XPNPEP2: variants seen among roughly 807,000 people sequenced by gnomAD.
XPNPEP2 encodes xaa-Pro aminopeptidase 2.
Under a neutral mutation model 59.8 loss-of-function variants are expected in XPNPEP2, and 64 were observed. The observed-to-expected ratio is 1.07, with a 90% CI of 0.87 to 1.32. The LOEUF (loss-of-function observed/expected upper bound fraction) is 1.32. Among genes scored for constraint, XPNPEP2 ranks in the 40% most tolerant of loss-of-function variants. The probability of loss-of-function intolerance (pLI) is 0.00; values close to 1 mark genes in which losing one functional copy is unlikely to be tolerated. For synonymous variants in XPNPEP2, 235 were observed against 210.0 expected (o/e 1.12, Z -1.03); for missense variants, 575 against 546.8 (o/e 1.05, Z -0.51).
Position 129,757,873 on chromosome X carries a change from AAGAGAGAGAG to A in XPNPEP2, c.1368-1293_1368-1284del, listed in dbSNP as rs200174393. ...AAAGAAAGAAAGAGGGAGAGAGAGAAAGAGAGAGAGAGAGAGAGAGAGAAAGAAAGAAAGA... is the reference window on the plus strand; with the variant it reads ...AAAGAAAGAAAGAGGGAGAGAGAGAAAGAGAGAGAGAGAAAGAAAGAAAGA... On this transcript the variant is annotated intron_variant, in intron 14 of 20. Transcript: ENST00000371106. Among the ~76,000 whole-genome samples, 83 of 66,726 alleles carry A rather than the reference AAGAGAGAGAG, an allele frequency of 1.2e-3. 1 individual carries two copies. The highest frequency in any genetic ancestry group is 5.6e-3 in the African/African-American group (79 of 14,211). The allele number at this position is 66,726 out of a possible 115,157, so 57.9% of individuals were successfully genotyped here.
intron 11 of XPNPEP2, among the ~76,000 whole-genome samples, chrX:129,754,156 C>G (rs190884359): frequency 5.7e-4 from 64 of 111,798 alleles, no homozygotes; most frequent in Middle Eastern, 4.6e-3. Context: ...CTTCAATAAT[C>G]CTTGACTCAT....
chrX:129,752,283 G>A lies in XPNPEP2; in HGVS notation c.955G>A (p.Asp319Asn). The change falls in exon 10 of 21, where the codon GAT becomes AAT. Residue 319 changes from aspartate to asparagine, a missense_variant. Physicochemically the swap from Asp to Asn is conservative, Grantham distance 23. Coordinates refer to ENST00000371106, the MANE Select transcript of XPNPEP2 (RefSeq NM_003399.6). ...CAGCATCCAGGCCTACTCATTGGGA[G>A]ATGTGAGGATCTGGATTGGGACCAG... ...RDSIQAYSLG[D>N]VRIWIGTSYT... The A allele has an allele frequency of 1.6e-6, 2 of 1,212,202 alleles. No individual in the cohort carries two copies. Among genetic ancestry groups the A allele is most frequent in the Non-Finnish European group, 2.2e-6 (2 of 895,621 alleles).
chrX:129,740,111 G>A (rs2124007026), intron 1 of XPNPEP2, among the ~76,000 whole-genome samples: 1 of 112,922 alleles, frequency 8.9e-6, no homozygotes, highest in South Asian at 3.6e-4. Flanking sequence ...GCATATTCTG[G>A]TGTCCAGAGA....
chrX:129,746,824 G>A (rs1926308258), intron 6 of XPNPEP2, 143 bp downstream of exon 6: 1 of 525,508 alleles, frequency 1.9e-6, no homozygotes, highest in Non-Finnish European at 3.3e-6. Flanking sequence ...GTTGCAGAAT[G>A]TTTTGCAATG....
intron 12 of XPNPEP2, 128 bp from the exon 13 acceptor site, chrX:129,755,166 G>A: frequency 1.7e-6 from 1 of 600,804 alleles, no homozygotes. Flanking sequence ...TGAGGGCTGG[G>A]AGAGCCAAAT....
At chrX:129,762,567 C>A in intron 18 of XPNPEP2, 127 bp from the exon 19 acceptor site, 5 of 565,710 alleles carry the variant, frequency 8.8e-6, no homozygotes, top group Non-Finnish European at 1.2e-5. Context: ...AGTTGTGGGG[C>A]TGCCAGAGTC....
intron 3 of XPNPEP2, among the ~76,000 whole-genome samples, chrX:129,744,497 C>G (rs148230229): frequency 9.0e-6 from 1 of 111,660 alleles, no homozygotes; most frequent in Non-Finnish European, 1.9e-5. Flanking sequence ...GTTAAGGGAG[C>G]GCGGGGTTGG....
Position 129,754,576 on chromosome X carries a change from C to T in XPNPEP2, c.1212C>T (p.Phe404=), listed in dbSNP as rs1926482269. Residue 404 remains phenylalanine, a synonymous_variant, in exon 12 of 21, where the codon TTC becomes TTT. Transcript: ENST00000371106. ...CGGGGGCAGAGATCGTGGACAAGTT[C>T]CGAGGGTGAAGAGCCACGGCCGTCC... The part of the protein sequence containing the change: ...EFSGAEIVDK[F]RGEEQFSSGP... 2 of 1,182,425 alleles carry T rather than the reference C, an allele frequency of 1.7e-6. No individual in the cohort carries two copies. Among genetic ancestry groups the T allele is most frequent in the Non-Finnish European group, 1.1e-6 (1 of 880,874 alleles).
chrX:129,747,217 G>C (rs955752957), intron 6 of XPNPEP2, among the ~76,000 whole-genome samples: 1 of 112,888 alleles, frequency 8.9e-6, no homozygotes, highest in Non-Finnish European at 1.9e-5. Flanking sequence ...TTGTGCTTTA[G>C]AACTGGCTTC....
intron 20 of XPNPEP2, among the ~76,000 whole-genome samples, chrX:129,767,895 C>T (rs1926781935): frequency 9.0e-6 from 1 of 111,629 alleles, no homozygotes; most frequent in African/African-American, 3.3e-5. Flanking sequence ...CCTGCCCAAC[C>T]CCAGGTAGTG....
intron 8 of XPNPEP2, 129 bp from the exon 9 acceptor site, chrX:129,751,616 A>AAGGG: frequency 3.3e-6 from 1 of 299,400 alleles, no homozygotes; most frequent in Non-Finnish European, 5.9e-6. Context: ...GGAAGGAAGG[A>AAGGG]AGGAAGGAAG....
At chrX:129,746,559 AGGTGACCTCTGCATT>A in intron 5 of XPNPEP2, 21 bp from the exon 6 acceptor site, 1 of 1,179,342 alleles carries the variant, frequency 8.5e-7, no homozygotes, top group Non-Finnish European at 1.2e-6. Flanking sequence ...CTGGCCCTGA[AGGTGACCTCTGCATT>A]GCTTCCTATC....
intron 3 of XPNPEP2, 106 bp downstream of exon 3, chrX:129,744,177 T>C: frequency 1.4e-6 from 1 of 731,493 alleles, no homozygotes; most frequent in African/African-American, 2.1e-5. Flanking sequence ...AAGGATCTGA[T>C]GGGCAAAGGG....
chrX:129,746,806 A>G (rs1402877679), intron 6 of XPNPEP2, 125 bp downstream of exon 6: 11 of 596,445 alleles, frequency 1.8e-5, no homozygotes, highest in Non-Finnish European at 3.1e-5. Context: ...AGAGCATTTG[A>G]AATTGTAGTT....
intron 7 of XPNPEP2, among the ~76,000 whole-genome samples, chrX:129,749,629 C>T (rs1469521641): frequency 1.8e-5 from 2 of 113,275 alleles, no homozygotes; most frequent in African/African-American, 3.2e-5. Flanking sequence ...TAGGGGTAGA[C>T]TCTTTGAATA....
In XPNPEP2 at chrX:129,746,602, C is replaced by T; in HGVS notation, c.411C>T (p.Thr137=). The part of the protein sequence containing the change: ...CNWELHKEVG[T]TPIVTWLLTE... ...TTCCTATCTTTCTTTCAGTTGGCACCACTCCTATTGTCACCTGGCTCCTCA... is the reference window on the plus strand; with the variant it reads ...TTCCTATCTTTCTTTCAGTTGGCACTACTCCTATTGTCACCTGGCTCCTCA... The change falls in exon 6 of 21, where the codon ACC becomes ACT. Residue 137 remains threonine, a synonymous_variant. Transcript: ENST00000371106. 8.3e-7 allele frequency: 1 copy of T among 1,210,341 alleles called. No homozygotes were observed. The highest frequency in any genetic ancestry group is 1.1e-6 in the Non-Finnish European group (1 of 894,931).
chrX:129,742,023 G>C (rs1449017414), intron 1 of XPNPEP2, 85 bp from the exon 2 acceptor site: 1 of 923,880 alleles, frequency 1.1e-6, no homozygotes, highest in African/African-American at 1.9e-5. Context: ...TGGAGGCCCC[G>C]TGGGGCGGGC....
intron 10 of XPNPEP2, 75 bp from the exon 11 acceptor site, chrX:129,753,084 G>A: frequency 1.1e-6 from 1 of 886,669 alleles, no homozygotes; most frequent in Non-Finnish European, 1.7e-6. Flanking sequence ...ACACCCCTGT[G>A]CCATGGAGAC....
Position 129,744,072 on chromosome X carries a change from G to A in XPNPEP2, c.234+1G>A. On this transcript the variant is annotated splice_donor_variant, in intron 3 of 20. Transcript: ENST00000371106. LOFTEE classifies it high-confidence loss of function. ...CATCCCAGGCACAGATGCTCACATG[G>A]TAAGAGACAGCTTCTCTCCCCCTTG... is the stretch of plus-strand genomic sequence containing the variant. The A allele has an allele frequency of 8.3e-7, 1 of 1,204,864 alleles. No homozygotes were observed.
Sources: gnomAD v4.1 joint callset for allele counts (sites outside exome capture counted in the v4.1 genomes callset) on GRCh38, gnomAD v4.1.1 for gene constraint, MANE v1.5 for transcripts, NCBI Gene and HGNC (gene_info 2026-07-23, HGNC 2026-07-21) for gene names.